Variants in MOK observed in about 807,000 individuals in gnomAD.
MOK encodes MAPK/MAK/MRK overlapping kinase.
Under a neutral mutation model 54.2 loss-of-function variants are expected in MOK, and 59 were observed. That is an observed-to-expected ratio of 1.09 (90% CI 0.88 to 1.35). The LOEUF is 1.35. MOK is among the 40% of genes most tolerant of loss of function. The pLI, the probability that MOK is intolerant of heterozygous loss-of-function variation, is 0.00. For missense variants in MOK, 517 were observed against 526.2 expected, an observed-to-expected ratio of 0.98 and a Z score of 0.17; for synonymous variants, 210 against 202.7, an observed-to-expected ratio of 1.04 and a Z score of -0.31.
chr14:102,223,035 C>T (rs1362048140), downstream of MOK: 11 of 799,910 alleles, frequency 1.4e-5, no homozygotes, highest in South Asian at 1.7e-5. Flanking sequence ...GCTCACTCTG[C>T]GGCGCCGTGC....
rs34931752 is a variant in MOK at position 102,263,549 on chromosome 14, G to A, written c.280C>T (p.Arg94Ter). Residue 94 changes from arginine to a stop codon, truncating the protein, a stop_gained, in exon 4 of 12, where the codon CGA becomes TGA. Coordinates refer to ENST00000361847, the MANE Select transcript of MOK (RefSeq NM_014226.3). LOFTEE classifies it high-confidence loss of function. ...GCTTTCAAATTATTCTACGTACCTC[G>A]TATTAGCTCATAAATATTCATGTCC... ...LMDMNIYELI[R>*]GRRYPLSEKK... 0.039 allele frequency: 62,211 copies of A among 1,593,498 alleles called. 1,482 individuals are homozygous for A. The highest frequency in any genetic ancestry group is 0.096 in the African/African-American group (7,118 of 74,264).
chr14:102,216,316 T>A, the MOK span, among the ~76,000 whole-genome samples: 3 of 152,176 alleles, frequency 2.0e-5, no homozygotes, highest in African/African-American at 7.2e-5. Flanking sequence ...CAGGGCGTTT[T>A]GGTTTGTGTT....
intron 7 of MOK, chr14:102,247,283 A>G (rs541082946): frequency 2.6e-5 from 4 of 152,328 alleles, no homozygotes; most frequent in African/African-American, 9.6e-5. Flanking sequence ...ACAACAAAAC[A>G]GTACATCTTT....
At position 102,245,268 on chromosome 14, in the gene MOK, C is replaced by T. The variant is rs938357186; in HGVS notation, c.590+5544G>A. 5.8e-4 allele frequency among the ~76,000 whole-genome samples: 89 copies of T among 152,182 alleles called. No individual in the cohort carries two copies. Among genetic ancestry groups the T allele is most frequent in the African/African-American group, 1.9e-3 (77 of 41,504 alleles). On this transcript the variant is annotated intron_variant, in intron 7 of 11. Transcript: ENST00000361847. The surrounding 1 kb of genome is among the most constrained non-coding windows in gnomAD (Gnocchi z 4.3). ...CTCCCACTCCAGGTTCCCACGCCAC[C>T]CCTAATCCCACTCGAAGCAGCCCTG...
intron 7 of MOK, among the ~76,000 whole-genome samples, chr14:102,243,208 A>C (rs1295800460): frequency 3.3e-5 from 5 of 152,168 alleles, no homozygotes; most frequent in Admixed American, 2.0e-4. Context: ...ATCCTAACAA[A>C]ACCATTACAT....
At chr14:102,288,688 C>T (rs1030301714) in intron 1 of MOK, among the ~76,000 whole-genome samples, 12 of 152,190 alleles carry the variant, frequency 7.9e-5, no homozygotes, top group African/African-American at 2.2e-4. Flanking sequence ...AATGAGTGAA[C>T]GTTATAGTAT....
downstream of MOK, among the ~76,000 whole-genome samples, chr14:102,226,769 C>T (rs1158678043): frequency 2.0e-5 from 3 of 152,226 alleles, no homozygotes; most frequent in African/African-American, 7.2e-5. This position sits in a 1 kb window ranked among gnomAD's most constrained non-coding sequence, Gnocchi z 4.8. Flanking sequence ...CCCTCGGAAT[C>T]TCCACCCTTG....
chr14:102,223,060 C>G (rs2064100303), downstream of MOK: 16 of 609,270 alleles, frequency 2.6e-5, 1 homozygote, highest in South Asian at 3.4e-4. Flanking sequence ...GCTGCTCACC[C>G]AAAGAAGTTG....
chr14:102,299,166 G>A (rs1299704160), intron 1 of MOK, among the ~76,000 whole-genome samples: 10 of 150,452 alleles, frequency 6.6e-5, no homozygotes, highest in South Asian at 2.1e-4. Flanking sequence ...TTTCCATGGC[G>A]GAAAAAAAAA....
chr14:102,243,211 C>G (rs955632104), intron 7 of MOK, among the ~76,000 whole-genome samples: 20 of 152,128 alleles, frequency 1.3e-4, no homozygotes, highest in Admixed American at 3.3e-4. Context: ...CTAACAAAAC[C>G]ATTACATAAA....
chr14:102,289,599 C>T (rs967530715), intron 1 of MOK, among the ~76,000 whole-genome samples: 12 of 152,256 alleles, frequency 7.9e-5, no homozygotes, highest in African/African-American at 2.9e-4. Flanking sequence ...AAGAGATTCT[C>T]GTGCCTCAGC....
chr14:102,268,783 C>T (rs2068113990), intron 2 of MOK, among the ~76,000 whole-genome samples: 1 of 151,876 alleles, frequency 6.6e-6, no homozygotes, highest in African/African-American at 2.4e-5. Flanking sequence ...GGGATGGTGG[C>T]GGGTGCCTGT....
chr14:102,261,531 A>AT (rs1162684979), intron 4 of MOK, among the ~76,000 whole-genome samples: 61 of 118,548 alleles, frequency 5.1e-4, no homozygotes, highest in African/African-American at 8.2e-4. Context: ...GTTGACTTTT[A>AT]TTTTTTTTTT....
chr14:102,232,808 T>C lies in MOK; in HGVS notation c.693-100A>G. The C allele has an allele frequency of 9.1e-7, 1 of 1,100,752 alleles. No homozygotes were observed. The highest frequency in any genetic ancestry group is 1.3e-6 in the Non-Finnish European group (1 of 758,398). 68.2% of individuals were successfully genotyped at this position (1,100,752 alleles called of 1,614,324 possible). A position where few individuals can be genotyped will look rare whatever the true frequency, so the allele number is the denominator to read the frequency against. ...GGGCCCTGTGTGGTGGGGAATGGTTTATGACTGCAGAGTCTACACCTGTCC... is the reference window on the plus strand; with the variant it reads ...GGGCCCTGTGTGGTGGGGAATGGTTCATGACTGCAGAGTCTACACCTGTCC... On this transcript the variant is annotated intron_variant, in intron 8 of 11. Coordinates refer to ENST00000361847, the MANE Select transcript of MOK (RefSeq NM_014226.3). The surrounding 1 kb of genome is among the most constrained non-coding windows in gnomAD (Gnocchi z 5.1).
At chr14:102,293,749 A>G (rs1210167364) in intron 1 of MOK, among the ~76,000 whole-genome samples, 1 of 151,584 alleles carries the variant, frequency 6.6e-6, no homozygotes, top group Admixed American at 6.6e-5. Context: ...AAAAAAAGAA[A>G]AAGACTGAAT....
At chr14:102,253,816 A>G (rs1223115616) in intron 4 of MOK, among the ~76,000 whole-genome samples, 1 of 152,236 alleles carries the variant, frequency 6.6e-6, no homozygotes, top group Non-Finnish European at 1.5e-5. Context: ...TTCACCTAAC[A>G]GTTTGGAAAT....
intron 1 of MOK, among the ~76,000 whole-genome samples, chr14:102,304,108 T>A (rs1056693404): frequency 6.6e-6 from 1 of 152,186 alleles, no homozygotes; most frequent in Non-Finnish European, 1.5e-5. Context: ...AAAGGGTGAA[T>A]GAGATTAATT....
At position 102,236,232 on chromosome 14, in the gene MOK, C is replaced by G. The variant is rs1425937886; in HGVS notation, c.591-2443G>C. On this transcript the variant is annotated intron_variant, in intron 7 of 11. Transcript: ENST00000361847. The surrounding 1 kb of genome is among the most constrained non-coding windows in gnomAD (Gnocchi z 4.5). ...CTAGCCGCTGAGGACTGACCGGGCCCAGGGCCCCCGGCCCCATCTGCCATC... is the reference window on the plus strand; with the variant it reads ...CTAGCCGCTGAGGACTGACCGGGCCGAGGGCCCCCGGCCCCATCTGCCATC... Among the ~76,000 whole-genome samples, 1 of 152,256 alleles carries G rather than the reference C, an allele frequency of 6.6e-6. No homozygotes were observed. Among genetic ancestry groups the G allele is most frequent in the Non-Finnish European group, 1.5e-5 (1 of 68,050 alleles).
At chr14:102,257,064 C>T (rs1245785384) in intron 4 of MOK, among the ~76,000 whole-genome samples, 1 of 151,474 alleles carries the variant, frequency 6.6e-6, no homozygotes. Context: ...GGCACACCCG[C>T]AGATTGGCTT....
Sources: allele counts gnomAD v4.1 joint callset (sites outside exome capture counted in the v4.1 genomes callset), GRCh38; gene constraint gnomAD v4.1.1; non-coding constraint Gnocchi (gnomAD v3.1); transcripts MANE v1.5; gene names NCBI Gene and HGNC (gene_info 2026-07-23, HGNC 2026-07-21).